LARP4B: variants seen among roughly 807,000 people sequenced by gnomAD.
LARP4B encodes the protein La ribonucleoprotein 4B, also known as la-related protein 4B.
LARP4B carries 12 observed loss-of-function variants against 89.8 expected under a neutral mutation model. The ratio of observed to expected loss-of-function variants is 0.13; its 90% CI spans 0.09 to 0.22. The LOEUF (loss-of-function observed/expected upper bound fraction) is 0.22. LARP4B is among the 10% of genes least tolerant of loss of function. The pLI is 1.00. For missense variants in LARP4B, 757 were observed against 947.7 expected (o/e 0.80, Z 2.64); for synonymous variants, 367 against 363.3 (o/e 1.01, Z -0.12).
chr10:887,376 T>A (rs532262360), intron 1 of LARP4B, among the ~76,000 whole-genome samples: 1 of 149,820 alleles, frequency 6.7e-6, no homozygotes, highest in Admixed American at 6.7e-5. Flanking sequence ...ACTATGTATA[T>A]CAAAACATCA....
At chr10:876,213 C>T (rs1835444937) in intron 3 of LARP4B, among the ~76,000 whole-genome samples, 1 of 151,996 alleles carries the variant, frequency 6.6e-6, no homozygotes, top group Non-Finnish European at 1.5e-5. Context: ...TGGAGAAACC[C>T]CGTCTCTACT....
At chr10:951,142 C>T in the LARP4B span, among the ~76,000 whole-genome samples, 2 of 152,122 alleles carry the variant, frequency 1.3e-5, no homozygotes, top group Admixed American at 1.3e-4. Flanking sequence ...TTGCCTTGTT[C>T]CTGATCTTAG....
At chr10:865,435 G>A (rs1055643560) in intron 3 of LARP4B, among the ~76,000 whole-genome samples, 1 of 152,162 alleles carries the variant, frequency 6.6e-6, no homozygotes, top group African/African-American at 2.4e-5. Context: ...AGTAAAAGAC[G>A]AAGTTCCCAC....
At position 814,879 on chromosome 10, in the gene LARP4B, C is replaced by A; in HGVS notation, c.1821-29G>T. ...TAAAAATGCCACCCGATATTTGAAT[C>A]TCATGCAACATCACAGGCCATTCAA... On this transcript the variant is annotated intron_variant, in intron 16 of 17. Transcript: ENST00000316157. This position sits in a 1 kb window ranked among gnomAD's most constrained non-coding sequence, Gnocchi z 4.4. 1 of 1,580,846 alleles carries A rather than the reference C, an allele frequency of 6.3e-7. No homozygotes were observed. The highest frequency in any genetic ancestry group is 8.6e-7 in the Non-Finnish European group (1 of 1,158,248).
At position 822,361 on chromosome 10, in the gene LARP4B, C is replaced by A. The variant is rs1832397716; in HGVS notation, c.1485-1516G>T. ...ACATCCCGCAGGGCTCGGCACAGGG[C>A]ATCCCTCCGCCAAGGGCAGCCTGCT... On this transcript the variant is annotated intron_variant, in intron 13 of 17. Transcript: ENST00000316157. The surrounding 1 kb of genome is among the most constrained non-coding windows in gnomAD (Gnocchi z 4.6). Among the ~76,000 whole-genome samples the A allele has an allele frequency of 6.6e-6, 1 of 152,230 alleles. No homozygotes were observed. The highest frequency in any genetic ancestry group is 2.4e-5 in the African/African-American group (1 of 41,456).
At position 913,856 on chromosome 10, in the gene LARP4B, T is replaced by C. The variant is rs886303406; in HGVS notation, c.-40+17572A>G. On this transcript the variant is annotated intron_variant, in intron 1 of 17. Coordinates refer to ENST00000316157, the MANE Select transcript of LARP4B (RefSeq NM_015155.3). Reference sequence around the variant, plus strand: ...CCCAGGAGGCTGACGTTGCAGTGAGTTGAGATCAAGCCACTGCACTCCAGC... The same window carrying C: ...CCCAGGAGGCTGACGTTGCAGTGAGCTGAGATCAAGCCACTGCACTCCAGC... Among the ~76,000 whole-genome samples the C allele has an allele frequency of 1.6e-4, 24 of 151,930 alleles. 1 individual carries two copies. The highest frequency in any genetic ancestry group is 1.4e-3 in the Admixed American group (22 of 15,260).
At chr10:925,024 T>C (rs1337336841) in intron 1 of LARP4B, among the ~76,000 whole-genome samples, 3 of 152,212 alleles carry the variant, frequency 2.0e-5, no homozygotes, top group Non-Finnish European at 4.4e-5. Flanking sequence ...AAGTAAATTA[T>C]ATGGTATGTT....
intron 3 of LARP4B, among the ~76,000 whole-genome samples, chr10:883,516 A>T (rs903390431): frequency 6.6e-6 from 1 of 152,160 alleles, no homozygotes; most frequent in Non-Finnish European, 1.5e-5. Context: ...GTTTCAAAAA[A>T]ATAATAATAA....
chr10:966,258 C>T, the LARP4B span, among the ~76,000 whole-genome samples: 1 of 152,030 alleles, frequency 6.6e-6, no homozygotes, highest in Non-Finnish European at 1.5e-5. Flanking sequence ...AGTTCAAGAC[C>T]AGCCTGGCTA....
chr10:814,968 G>A lies in LARP4B; in HGVS notation c.1798C>T (p.Pro600Ser), dbSNP rs748447250. The change falls in exon 16 of 18, where the codon CCC (proline) becomes TCC (serine). Residue 600 changes from proline (P) to serine (S), a missense_variant. Pro to Ser is a moderately conservative substitution (Grantham distance 74). This residue lies in a region of LARP4B where 387 missense variants were observed against 423.6 expected (regional missense o/e 0.91). Transcript: ENST00000316157. This position sits in a 1 kb window ranked among gnomAD's most constrained non-coding sequence, Gnocchi z 4.4. ...CACTCGGGTAAATGAGCTGGGGAGG[G>A]GGATCGCTCGTACGTTGCTGATACA... ...CAVSATYERS[P>S]SPAHLPDDPK... 1 of 1,603,308 alleles carries A rather than the reference G, an allele frequency of 6.2e-7. No individual in the cohort carries two copies. The highest frequency in any genetic ancestry group is 1.1e-5 in the South Asian group (1 of 89,688).
At chr10:939,974 T>C in the LARP4B span, among the ~76,000 whole-genome samples, 4 of 151,834 alleles carry the variant, frequency 2.6e-5, no homozygotes, top group South Asian at 8.3e-4. Flanking sequence ...GCCTCCTGAG[T>C]AGCTGGGATT....
intron 8 of LARP4B, among the ~76,000 whole-genome samples, chr10:834,500 T>C (rs1833091276): frequency 6.6e-6 from 1 of 152,222 alleles, no homozygotes; most frequent in Non-Finnish European, 1.5e-5. Flanking sequence ...CTAGCCTACA[T>C]TTCTAAGACC....
At chr10:884,398 G>T in intron 3 of LARP4B, 49 bp downstream of exon 3, 2 of 1,202,632 alleles carry the variant, frequency 1.7e-6, no homozygotes, top group Non-Finnish European at 1.2e-6. Flanking sequence ...GTATCTCTGA[G>T]CCTTGACTGT....
the LARP4B span, chr10:985,540 T>C: frequency 6.6e-6 from 1 of 152,238 alleles, no homozygotes; most frequent in South Asian, 2.1e-4. Context: ...TAACTCACTG[T>C]GTAATTCTGC....
At chr10:938,373 C>T in the LARP4B span, among the ~76,000 whole-genome samples, 5 of 151,862 alleles carry the variant, frequency 3.3e-5, no homozygotes, top group Non-Finnish European at 7.4e-5. Context: ...GCCTCAGCCT[C>T]CCGAGTAGCT....
At chr10:969,876 C>G in the LARP4B span, among the ~76,000 whole-genome samples, 1,167 of 152,284 alleles carry the variant, frequency 7.7e-3, 20 homozygotes, top group African/African-American at 0.027. Flanking sequence ...GAGTTCGTGA[C>G]CTGCATGCCC....
At chr10:845,299 C>T (rs1199801266) in intron 5 of LARP4B, among the ~76,000 whole-genome samples, 1 of 152,196 alleles carries the variant, frequency 6.6e-6, no homozygotes, top group African/African-American at 2.4e-5. Flanking sequence ...TAGCAGAGTT[C>T]AGCAGGGGCT....
chr10:879,317 G>A (rs540366347), intron 3 of LARP4B, among the ~76,000 whole-genome samples: 20 of 152,320 alleles, frequency 1.3e-4, no homozygotes, highest in African/African-American at 4.6e-4. Flanking sequence ...CCCCCATCCT[G>A]GGGCAAGTTC....
chr10:931,541 G>A lies in LARP4B; in HGVS notation c.-153C>T, dbSNP rs1026718760. ...GGCGAGGAGAGAGACGGCAGGGAGA[G>A]GCGGCGCGGCCGGGCCGGGCCGGGC... On this transcript the variant is annotated 5_prime_UTR_variant, in exon 1 of 18. Transcript: ENST00000316157. 1 of 150,778 alleles carries A rather than the reference G, an allele frequency of 6.6e-6. No homozygotes were observed. The highest frequency in any genetic ancestry group is 1.5e-5 in the Non-Finnish European group (1 of 67,210). 9.3% of individuals were successfully genotyped at this position (150,778 alleles called of 1,614,324 possible). A position where few individuals can be genotyped will look rare whatever the true frequency, so the allele number is the denominator to read the frequency against.
Sources: gnomAD v4.1 joint callset for allele counts (sites outside exome capture counted in the v4.1 genomes callset) on GRCh38, gnomAD v4.1.1 for gene constraint, gnomAD v4.1.1 regional missense constraint, Gnocchi (gnomAD v3.1) non-coding constraint, MANE v1.5 for transcripts, NCBI Gene and HGNC (gene_info 2026-07-23, HGNC 2026-07-21) for gene names.